The following ATP9B variants were observed in gnomAD, a reference collection of about 807,000 sequenced individuals.
The protein encoded by ATP9B is ATPase phospholipid transporting 9B, also known as probable phospholipid-transporting ATPase IIB.
ATP9B carries 110 observed loss-of-function variants against 146.1 expected under a neutral mutation model. The observed-to-expected ratio is 0.75, with a 90% CI of 0.65 to 0.88. ATP9B has a LOEUF of 0.88. Among genes scored for constraint, ATP9B ranks in the 40% least tolerant of loss-of-function variants. ATP9B has a pLI of 0.00. For synonymous variants in ATP9B, 604 were observed against 569.7 expected, an observed-to-expected ratio of 1.06 and a Z score of -0.86; for missense variants, 1,499 against 1,496.4, an observed-to-expected ratio of 1.00 and a Z score of -0.03.
intron 13 of ATP9B, among the ~76,000 whole-genome samples, chr18:79,292,584 A>G (rs1005173962): frequency 6.6e-6 from 1 of 152,062 alleles, no homozygotes; most frequent in East Asian, 1.9e-4. Flanking sequence ...TGAAATTCAC[A>G]TGGAGATACT....
At chr18:79,169,443 G>A (rs1019144894) in intron 7 of ATP9B, among the ~76,000 whole-genome samples, 1 of 152,188 alleles carries the variant, frequency 6.6e-6, no homozygotes, top group Non-Finnish European at 1.5e-5. Context: ...TGTGTCACCT[G>A]TGTTGAGGAA....
intron 5 of ATP9B, among the ~76,000 whole-genome samples, chr18:79,128,219 C>G (rs748624527): frequency 6.6e-6 from 1 of 151,686 alleles, no homozygotes; most frequent in Non-Finnish European, 1.5e-5. Flanking sequence ...GCACTGCGCC[C>G]GGGTGATTTT....
chr18:79,215,695 A>G (rs894435639), intron 11 of ATP9B, among the ~76,000 whole-genome samples: 3 of 149,094 alleles, frequency 2.0e-5, no homozygotes, highest in Non-Finnish European at 3.0e-5. Context: ...AAACTAGAAC[A>G]TCTTTTTTTT....
intron 8 of ATP9B, among the ~76,000 whole-genome samples, chr18:79,178,860 G>C (rs2095215137): frequency 6.6e-6 from 1 of 152,200 alleles, no homozygotes; most frequent in Non-Finnish European, 1.5e-5. Context: ...ATATCTGGGG[G>C]TAGGCTGGCC....
intron 12 of ATP9B, among the ~76,000 whole-genome samples, chr18:79,268,724 G>A (rs569794193): frequency 3.9e-5 from 6 of 152,186 alleles, no homozygotes; most frequent in Middle Eastern, 3.4e-3. Context: ...CCATCATTTT[G>A]GTTTATCCAC....
At chr18:79,141,213 T>C (rs908976482) in intron 5 of ATP9B, among the ~76,000 whole-genome samples, 1 of 152,172 alleles carries the variant, frequency 6.6e-6, no homozygotes, top group Non-Finnish European at 1.5e-5. Context: ...CTTTTCTCCC[T>C]TTGCTCGGCA....
intron 15 of ATP9B, among the ~76,000 whole-genome samples, chr18:79,320,709 A>T (rs2096710621): frequency 6.6e-6 from 1 of 152,084 alleles, no homozygotes; most frequent in Non-Finnish European, 1.5e-5. Flanking sequence ...ACCCCCCTCC[A>T]GCCCTCGTTG....
At position 79,371,388 on chromosome 18, in the gene ATP9B, A is replaced by C. The variant is rs949665285; in HGVS notation, c.3013-1437A>C. Among the ~76,000 whole-genome samples, 505 of 151,384 alleles carry C rather than the reference A, an allele frequency of 3.3e-3. 22 individuals carry two copies. Among genetic ancestry groups the C allele is most frequent in the Admixed American group, 0.028 (424 of 15,200 alleles). ...TCCGTCTTAAAAAAAAAAAAAAAAAAAAAAAAAAAAAAACAGTAGTGCTTC... is the reference window on the plus strand; with the variant it reads ...TCCGTCTTAAAAAAAAAAAAAAAAACAAAAAAAAAAAAACAGTAGTGCTTC... On this transcript the variant is annotated intron_variant, in intron 26 of 29. Transcript: ENST00000426216.
Position 79,344,344 on chromosome 18 carries a change from ACT to A in ATP9B, c.2467_2468del (p.Leu823GlyfsTer10). The A allele has an allele frequency of 1.9e-6, 3 of 1,613,976 alleles. No homozygotes were observed. Among genetic ancestry groups the A allele is most frequent in the Non-Finnish European group, 2.5e-6 (3 of 1,179,984 alleles). On this transcript the variant is annotated frameshift_variant, in exon 21 of 30. Transcript: ENST00000426216. LOFTEE classifies it high-confidence loss of function. Reference sequence around the variant, plus strand: ...GATTGTGCACTAGTCATATCTGGGGACTCTCTGGAGGTAAGGCTGGACCCTGA... The same window carrying A: ...GATTGTGCACTAGTCATATCTGGGGACTCTGGAGGTAAGGCTGGACCCTGA...
At chr18:79,288,365 T>C (rs1303302949) in intron 13 of ATP9B, among the ~76,000 whole-genome samples, 1 of 152,216 alleles carries the variant, frequency 6.6e-6, no homozygotes, top group Non-Finnish European at 1.5e-5. Flanking sequence ...CCTTTACCAT[T>C]ATGTAATGGC....
At chr18:79,254,068 A>G (rs1428619260) in intron 12 of ATP9B, 1 of 152,242 alleles carries the variant, frequency 6.6e-6, no homozygotes, top group African/African-American at 2.4e-5. Flanking sequence ...AAAGACTAAT[A>G]TTTTACCATA....
At chr18:79,307,255 G>A (rs748579623) in intron 15 of ATP9B, 21 bp downstream of exon 15, 20 of 1,613,632 alleles carry the variant, frequency 1.2e-5, no homozygotes, top group African/African-American at 1.2e-4. Flanking sequence ...GCACAAAACC[G>A]TGGGAGCTTG....
chr18:79,359,494 G>C, intron 26 of ATP9B, 32 bp downstream of exon 26: 5 of 1,501,534 alleles, frequency 3.3e-6, no homozygotes, highest in Non-Finnish European at 4.6e-6. Flanking sequence ...TCTGCCTCAC[G>C]ACTAGCACCC....
chr18:79,313,135 A>C (rs1439010484), intron 15 of ATP9B, among the ~76,000 whole-genome samples: 2 of 152,146 alleles, frequency 1.3e-5, no homozygotes, highest in Non-Finnish European at 2.9e-5. Context: ...ATACGTAAAA[A>C]TCTCTGTAGC....
In ATP9B at chr18:79,336,686, C is replaced by T. The variant is rs775555401; in HGVS notation, c.2087C>T (p.Thr696Ile). The change falls in exon 18 of 30, where the codon ACA (threonine) becomes ATA (isoleucine). Residue 696 changes from threonine (T) to isoleucine (I), a missense_variant. Physicochemically the swap from Thr to Ile is moderately conservative, Grantham distance 89. Coordinates refer to ENST00000426216, the MANE Select transcript of ATP9B (RefSeq NM_198531.5). The stretch of plus-strand genomic sequence containing the variant: ...CTCGTGGTTGCAAAGAAGGCGTTGA[C>T]AGAGGAGCAGTACCAGGACTTTGAG... ...RTLVVAKKAL[T>I]EEQYQDFESR... 6.2e-7 allele frequency: 1 copy of T among 1,613,794 alleles called. No individual in the cohort carries two copies. Among genetic ancestry groups the T allele is most frequent in the African/African-American group, 1.3e-5 (1 of 74,946 alleles).
intron 9 of ATP9B, among the ~76,000 whole-genome samples, chr18:79,201,824 G>A (rs1005724560): frequency 7.9e-5 from 12 of 152,126 alleles, no homozygotes; most frequent in Non-Finnish European, 1.3e-4. Flanking sequence ...CTCCCAAAGT[G>A]CTGGGATTAC....
intron 1 of ATP9B, among the ~76,000 whole-genome samples, chr18:79,084,065 G>A (rs2073563150): frequency 6.6e-6 from 1 of 151,726 alleles, no homozygotes. Context: ...CACCATGTTG[G>A]CCAGGATGGT....
chr18:79,283,493 C>G (rs145135140), intron 13 of ATP9B, among the ~76,000 whole-genome samples: 2 of 152,206 alleles, frequency 1.3e-5, no homozygotes, highest in Admixed American at 1.3e-4. Context: ...GTGGTTCTCT[C>G]ATTTGCCACG....
At position 79,189,779 on chromosome 18, in the gene ATP9B, C is replaced by G. The variant is rs553018377; in HGVS notation, c.874-3404C>G. Among the ~76,000 whole-genome samples, 4 of 152,350 alleles carry G rather than the reference C, an allele frequency of 2.6e-5. No homozygotes were observed. In the South Asian group the frequency reaches 8.3e-4, roughly 32 times the overall value. ...ACTTTAATCCACCACACATACTTAGCAGCTCAGTTTTTTCTTGTAGTGTGA... is the reference window on the plus strand; with the variant it reads ...ACTTTAATCCACCACACATACTTAGGAGCTCAGTTTTTTCTTGTAGTGTGA... On this transcript the variant is annotated intron_variant, in intron 8 of 29. Transcript: ENST00000426216.
Sources: gnomAD v4.1 joint callset for allele counts (sites outside exome capture counted in the v4.1 genomes callset) on GRCh38, gnomAD v4.1.1 for gene constraint, MANE v1.5 for transcripts, NCBI Gene and HGNC (gene_info 2026-07-23, HGNC 2026-07-21) for gene names.